Variants in NCOA2 observed in about 807,000 individuals in gnomAD.
The protein encoded by NCOA2 is nuclear receptor coactivator 2, also known as class E basic helix-loop-helix protein 75.
NCOA2 carries 21 observed loss-of-function variants against 145.1 expected under a neutral mutation model. That is an observed-to-expected ratio of 0.14 (90% CI 0.10 to 0.21). The LOEUF (loss-of-function observed/expected upper bound fraction) is 0.21. NCOA2 is among the 10% of genes least tolerant of loss of function. The probability of loss-of-function intolerance (pLI) is 1.00; values close to 1 mark genes in which losing one functional copy is unlikely to be tolerated. For missense variants in NCOA2, 1,472 were observed against 1,837.6 expected, an observed-to-expected ratio of 0.80 and a Z score of 3.64; for synonymous variants, 619 against 637.5, an observed-to-expected ratio of 0.97 and a Z score of 0.44.
chr8:70,126,573 A>C (rs1185979579), intron 19 of NCOA2: 3 of 500,004 alleles, frequency 6.0e-6, no homozygotes, highest in Non-Finnish European at 1.0e-5. Flanking sequence ...GTCATTCTTA[A>C]AGTAAGACCT....
chr8:70,129,057 T>A, intron 16 of NCOA2, 77 bp from the exon 17 acceptor site: 1 of 1,349,610 alleles, frequency 7.4e-7, no homozygotes, highest in Non-Finnish European at 1.0e-6. Context: ...CTGTTTTCTC[T>A]CACTATCATA....
intron 1 of NCOA2, among the ~76,000 whole-genome samples, chr8:70,304,224 A>G (rs975574846): frequency 1.3e-5 from 2 of 152,210 alleles, no homozygotes; most frequent in African/African-American, 4.8e-5. Flanking sequence ...ATATTATAAT[A>G]CCATATTTTT....
intron 4 of NCOA2, among the ~76,000 whole-genome samples, chr8:70,204,448 G>A: frequency 6.6e-6 from 1 of 152,190 alleles, no homozygotes; most frequent in East Asian, 1.9e-4. Context: ...AGATGTTAAT[G>A]CACTATCAGG....
chr8:70,376,211 AT>A (rs1312057832), intron 1 of NCOA2, among the ~76,000 whole-genome samples: 4 of 152,336 alleles, frequency 2.6e-5, no homozygotes, highest in Admixed American at 6.5e-5. Flanking sequence ...CAGAAGGCAC[AT>A]TATCACTTCC....
the NCOA2 span, among the ~76,000 whole-genome samples, chr8:70,422,232 T>C: frequency 2.2e-3 from 338 of 152,308 alleles, 3 homozygotes; most frequent in East Asian, 0.046. Context: ...AAAGCTTTAG[T>C]TAAACTAGTG....
At chr8:70,450,971 C>G in the NCOA2 span, among the ~76,000 whole-genome samples, 1 of 150,768 alleles carries the variant, frequency 6.6e-6, no homozygotes, top group South Asian at 2.1e-4. Context: ...AATTCCAGCA[C>G]TTTGGGAGCT....
At chr8:70,157,896 G>A (rs910960670) in intron 10 of NCOA2, among the ~76,000 whole-genome samples, 3 of 152,186 alleles carry the variant, frequency 2.0e-5, no homozygotes, top group Admixed American at 2.0e-4. Flanking sequence ...GAAGTTCAGA[G>A]TGACTTTAGT....
chr8:70,204,815 A>G (rs1270008332), intron 4 of NCOA2, among the ~76,000 whole-genome samples: 1 of 152,160 alleles, frequency 6.6e-6, no homozygotes, highest in African/African-American at 2.4e-5. Context: ...AACATGGCGA[A>G]ACCCTGTCTC....
intron 2 of NCOA2, among the ~76,000 whole-genome samples, chr8:70,231,179 C>T (rs1821097353): frequency 6.6e-6 from 1 of 152,214 alleles, no homozygotes; most frequent in South Asian, 2.1e-4. Flanking sequence ...ATCCCCTTAG[C>T]AGAGTATGCG....
intron 1 of NCOA2, among the ~76,000 whole-genome samples, chr8:70,364,328 A>G (rs981555624): frequency 5.3e-5 from 8 of 152,240 alleles, no homozygotes; most frequent in Non-Finnish European, 1.2e-4. Context: ...AGTGGAGAAA[A>G]GGAAGAAAAG....
the NCOA2 span, among the ~76,000 whole-genome samples, chr8:70,439,236 C>T: frequency 2.6e-5 from 4 of 152,130 alleles, no homozygotes; most frequent in Non-Finnish European, 5.9e-5. Flanking sequence ...TGCTAAGTGC[C>T]AGGGAGTCAA....
At chr8:70,433,028 A>T in the NCOA2 span, among the ~76,000 whole-genome samples, 1 of 152,192 alleles carries the variant, frequency 6.6e-6, no homozygotes, top group Non-Finnish European at 1.5e-5. Flanking sequence ...ATATTTTTAC[A>T]TATCTGTCTT....
At chr8:70,411,640 A>C in the NCOA2 span, among the ~76,000 whole-genome samples, 7 of 152,358 alleles carry the variant, frequency 4.6e-5, no homozygotes, top group African/African-American at 1.7e-4. Flanking sequence ...ATGGAATACT[A>C]TACTGAAATG....
chr8:70,332,782 G>A (rs942216094), intron 1 of NCOA2, among the ~76,000 whole-genome samples: 1 of 152,102 alleles, frequency 6.6e-6, no homozygotes, highest in Non-Finnish European at 1.5e-5. Flanking sequence ...TCAAACTCCA[G>A]GAGTCCATAG....
the NCOA2 span, among the ~76,000 whole-genome samples, chr8:70,449,488 C>G: frequency 6.6e-6 from 1 of 152,176 alleles, no homozygotes; most frequent in Admixed American, 6.5e-5. Context: ...AAAACTGTCA[C>G]CCCTTGTAGG....
At chr8:70,330,739 T>A (rs1807026035) in intron 1 of NCOA2, among the ~76,000 whole-genome samples, 1 of 152,192 alleles carries the variant, frequency 6.6e-6, no homozygotes, top group Non-Finnish European at 1.5e-5. Flanking sequence ...AAAAGTAACG[T>A]GCACAGTATT....
chr8:70,391,270 G>A (rs930239162), intron 1 of NCOA2, among the ~76,000 whole-genome samples: 3 of 152,114 alleles, frequency 2.0e-5, no homozygotes, highest in African/African-American at 7.2e-5. Context: ...TTGAATAAAA[G>A]CTTTCTATTT....
chr8:70,314,062 C>A (rs1586460830), intron 1 of NCOA2, among the ~76,000 whole-genome samples: 1 of 150,800 alleles, frequency 6.6e-6, no homozygotes, highest in South Asian at 2.1e-4. Flanking sequence ...CGCCTATAGT[C>A]CCAGCTACTC....
intron 2 of NCOA2, among the ~76,000 whole-genome samples, chr8:70,258,436 T>A (rs1823837138): frequency 6.6e-6 from 1 of 152,218 alleles, no homozygotes; most frequent in African/African-American, 2.4e-5. Context: ...ACTCCTCACC[T>A]TTCTGAGGAA....
Sources: gnomAD v4.1 joint callset for allele counts (sites outside exome capture counted in the v4.1 genomes callset) on GRCh38, gnomAD v4.1.1 for gene constraint, MANE v1.5 for transcripts, NCBI Gene and HGNC (gene_info 2026-07-23, HGNC 2026-07-21) for gene names.